The following KCNG2 variants were observed in gnomAD, a reference collection of about 807,000 sequenced individuals.
The protein encoded by KCNG2 is voltage-gated potassium channel regulatory subunit KCNG2.
In KCNG2, 7 loss-of-function variants were observed where a neutral mutation model predicts 12.3. The observed-to-expected ratio is 0.57, with a 90% CI of 0.32 to 1.07. The LOEUF (loss-of-function observed/expected upper bound fraction) is 1.07. KCNG2 is among the 50% of genes least tolerant of loss of function. The probability of loss-of-function intolerance (pLI) is 0.04; values close to 1 mark genes in which losing one functional copy is unlikely to be tolerated. For synonymous variants in KCNG2, 414 were observed against 351.4 expected, an observed-to-expected ratio of 1.18 and a Z score of -1.99; for missense variants, 703 against 726.0, an observed-to-expected ratio of 0.97 and a Z score of 0.36.
In KCNG2 at chr18:79,884,797, C is replaced by T. The variant is rs568315700; in HGVS notation, c.625-14243C>T. 1.3e-5 allele frequency among the ~76,000 whole-genome samples: 2 copies of T among 152,272 alleles called. No individual in the cohort carries two copies. The highest frequency in any genetic ancestry group is 1.9e-4 in the East Asian group (1 of 5,180). ...ATCCTGGGGCCCAGGAACTCGGGAGCGGTTTACCCACAGGTTCCTGTGCGT... is the reference window on the plus strand; with the variant it reads ...ATCCTGGGGCCCAGGAACTCGGGAGTGGTTTACCCACAGGTTCCTGTGCGT... On this transcript the variant is annotated intron_variant, in intron 3 of 3. Transcript: ENST00000316249. The surrounding 1 kb of genome is among the most constrained non-coding windows in gnomAD (Gnocchi z 5.5).
In KCNG2 at chr18:79,884,763, G is replaced by C. The variant is rs1048999723; in HGVS notation, c.625-14277G>C. ...GGTCCGCCCGGCTCTGTGTTCCTCG[G>C]GGGGGCTCATCCTGGGGCCCAGGAA... On this transcript the variant is annotated intron_variant, in intron 3 of 3. Coordinates refer to ENST00000316249, the MANE Select transcript of KCNG2 (RefSeq NM_012283.2). The surrounding 1 kb of genome is among the most constrained non-coding windows in gnomAD (Gnocchi z 5.5). Among the ~76,000 whole-genome samples the C allele has an allele frequency of 1.3e-5, 2 of 152,228 alleles. No individual in the cohort carries two copies. Among genetic ancestry groups the C allele is most frequent in the Admixed American group, 6.5e-5 (1 of 15,292 alleles).
At chr18:79,887,053 C>G (rs531072654) in intron 3 of KCNG2, among the ~76,000 whole-genome samples, 1 of 137,572 alleles carries the variant, frequency 7.3e-6, no homozygotes, top group African/African-American at 2.9e-5. Flanking sequence ...AACATAGGGA[C>G]GTGGGGACAG....
chr18:79,821,874 G>C (rs1259855834), intron 1 of KCNG2, among the ~76,000 whole-genome samples: 2 of 152,216 alleles, frequency 1.3e-5, no homozygotes, highest in Admixed American at 1.3e-4. Flanking sequence ...CTCTATCATT[G>C]CCCTTCTTTT....
chr18:79,853,740 G>A (rs776876937), intron 1 of KCNG2, among the ~76,000 whole-genome samples: 1 of 152,262 alleles, frequency 6.6e-6, no homozygotes, highest in Non-Finnish European at 1.5e-5. Flanking sequence ...CGGAAGGCCT[G>A]AGTGGGACTA....
intron 1 of KCNG2, among the ~76,000 whole-genome samples, chr18:79,848,272 G>C (rs1025367105): frequency 3.3e-5 from 5 of 152,186 alleles, no homozygotes; most frequent in African/African-American, 4.8e-5. Flanking sequence ...ACCCTAACCC[G>C]CTGCATTCGT....
rs2123067731 is a variant in KCNG2, at chr18:79,863,926, G to A, written c.259G>A (p.Ala87Thr). 2.2e-6 allele frequency: 3 copies of A among 1,375,702 alleles called. No homozygotes were observed. The highest frequency in any genetic ancestry group is 1.6e-5 in the South Asian group (1 of 62,960). The allele number at this position is 1,375,702 out of a possible 1,614,324, so 85.2% of individuals were successfully genotyped here. A position where few individuals can be genotyped will look rare whatever the true frequency, so the allele number is the denominator to read the frequency against. Residue 87 changes from alanine (A) to threonine (T), a missense_variant, in exon 3 of 4, where the codon GCA (alanine) becomes ACA (threonine). Coordinates refer to ENST00000316249, the MANE Select transcript of KCNG2 (RefSeq NM_012283.2). ...CCGCGCCATCGTGGCGCTTTTGCGCGCAGGGAAGCTGCGACTGCTGCGGGG... is the reference window on the plus strand; with the variant it reads ...CCGCGCCATCGTGGCGCTTTTGCGCACAGGGAAGCTGCGACTGCTGCGGGG... Reference protein sequence around the residue: ...AFRAIVALLRAGKLRLLRGPC... With the variant: ...AFRAIVALLRTGKLRLLRGPC...
rs770094645 is a variant in KCNG2 at position 79,803,891 on chromosome 18, G to T, written c.-115+5877G>T. Reference sequence around the variant, plus strand: ...CTCCGTGTTGGTTTCTCCGGGGTTGGTGCCGGTGGATCAGAATCTTAGGCC... The same window carrying T: ...CTCCGTGTTGGTTTCTCCGGGGTTGTTGCCGGTGGATCAGAATCTTAGGCC... On this transcript the variant is annotated intron_variant, in intron 1 of 3. Coordinates refer to ENST00000316249, the MANE Select transcript of KCNG2 (RefSeq NM_012283.2). The surrounding 1 kb of genome is among the most constrained non-coding windows in gnomAD (Gnocchi z 4.5). Among the ~76,000 whole-genome samples, 9 of 152,190 alleles carry T rather than the reference G, an allele frequency of 5.9e-5. No individual in the cohort carries two copies. The highest frequency in any genetic ancestry group is 1.3e-4 in the Admixed American group (2 of 15,290).
At chr18:79,819,405 G>C (rs1484543067) in intron 1 of KCNG2, among the ~76,000 whole-genome samples, 1 of 152,224 alleles carries the variant, frequency 6.6e-6, no homozygotes, top group Non-Finnish European at 1.5e-5. Flanking sequence ...TCTAGGGAGA[G>C]CTGTTGCTGC....
At chr18:79,835,402 C>T (rs1978318206) in intron 1 of KCNG2, among the ~76,000 whole-genome samples, 1 of 152,152 alleles carries the variant, frequency 6.6e-6, no homozygotes, top group Non-Finnish European at 1.5e-5. Context: ...TTTAAAACAG[C>T]CGTTGTAAAA....
chr18:79,863,880 C>G lies in KCNG2; in HGVS notation c.213C>G (p.Phe71Leu). The G allele has an allele frequency of 2.7e-6, 4 of 1,473,442 alleles. No homozygotes were observed. The highest frequency in any genetic ancestry group is 3.6e-6 in the Non-Finnish European group (4 of 1,110,252). The allele number at this position is 1,473,442 out of a possible 1,614,324, so 91.3% of individuals were successfully genotyped here. ...DYDVSRDEFF[F>L]DRSPCAFRAI... is the part of the protein sequence containing the mutation. ...ACGTGAGCCGCGACGAGTTCTTCTT[C>G]GACCGCAGCCCGTGCGCCTTCCGCG... Residue 71 changes from phenylalanine (F) to leucine (L), a missense_variant, in exon 3 of 4, where the codon TTC (phenylalanine) becomes TTG (leucine). By Grantham distance (22) the Phe-to-Leu change is conservative. Coordinates refer to ENST00000316249, the MANE Select transcript of KCNG2 (RefSeq NM_012283.2).
intron 2 of KCNG2, among the ~76,000 whole-genome samples, chr18:79,860,609 ATT>A (rs1048882613): frequency 6.6e-6 from 1 of 151,658 alleles, no homozygotes; most frequent in Admixed American, 6.6e-5. Context: ...AATACAACTG[ATT>A]TTTTTTACCG....
At chr18:79,874,041 T>G (rs1001276268) in intron 3 of KCNG2, among the ~76,000 whole-genome samples, 1 of 152,230 alleles carries the variant, frequency 6.6e-6, no homozygotes, top group African/African-American at 2.4e-5. Flanking sequence ...GGTTACAGCC[T>G]CAGGTCAAGC....
chr18:79,876,518 G>A (rs1311649149), intron 3 of KCNG2, among the ~76,000 whole-genome samples: 1 of 152,216 alleles, frequency 6.6e-6, no homozygotes, highest in African/African-American at 2.4e-5. Context: ...GCCGTTGTTC[G>A]ACCCAGTTGA....
intron 1 of KCNG2, chr18:79,816,017 G>A (rs1231278970): frequency 6.6e-6 from 1 of 152,162 alleles, no homozygotes; most frequent in Non-Finnish European, 1.5e-5. Flanking sequence ...TTTTTTCTTT[G>A]CTTTTATTGT....
chr18:79,868,092 G>A (rs1196967365), intron 3 of KCNG2, among the ~76,000 whole-genome samples: 3 of 152,196 alleles, frequency 2.0e-5, no homozygotes, highest in Non-Finnish European at 4.4e-5. Context: ...GTCCTCGGTC[G>A]AATATCCAGG....
At chr18:79,867,447 G>A (rs1055692619) in intron 3 of KCNG2, among the ~76,000 whole-genome samples, 10 of 58,314 alleles carry the variant, frequency 1.7e-4, no homozygotes, top group Non-Finnish European at 4.9e-4. Context: ...AGCGTGTGTC[G>A]TGTCTTGGGG....
At chr18:79,847,500 C>T (rs1234034606) in intron 1 of KCNG2, among the ~76,000 whole-genome samples, 1 of 152,226 alleles carries the variant, frequency 6.6e-6, no homozygotes. Flanking sequence ...GCGGACCACG[C>T]TCCCTGTGGA....
At chr18:79,875,746 G>C (rs544636223) in intron 3 of KCNG2, 1 of 152,474 alleles carries the variant, frequency 6.6e-6, no homozygotes, top group Admixed American at 6.5e-5. Context: ...CTGCTGGGGG[G>C]CCTGGGTCTC....
intron 1 of KCNG2, among the ~76,000 whole-genome samples, chr18:79,808,148 C>G (rs1198635302): frequency 8.6e-6 from 1 of 116,110 alleles, no homozygotes; most frequent in Non-Finnish European, 1.8e-5. Context: ...CGGGGACACA[C>G]TGACCACACT....
Sources: gnomAD v4.1 joint callset for allele counts (sites outside exome capture counted in the v4.1 genomes callset) on GRCh38, gnomAD v4.1.1 for gene constraint, Gnocchi (gnomAD v3.1) non-coding constraint, MANE v1.5 for transcripts, NCBI Gene and HGNC (gene_info 2026-07-23, HGNC 2026-07-21) for gene names.